The following MIDEAS variants were observed in gnomAD, a reference collection of about 807,000 sequenced individuals.
MIDEAS encodes the protein mitotic deacetylase-associated SANT domain protein.
Under a neutral mutation model 102.7 loss-of-function variants are expected in MIDEAS, and 26 were observed. The observed-to-expected ratio is 0.25, with a 90% confidence interval of 0.19 to 0.35. The LOEUF (loss-of-function observed/expected upper bound fraction) is 0.35. Among genes scored for constraint, MIDEAS ranks in the 10% least tolerant of loss-of-function variants. The pLI is 1.00. For synonymous variants in MIDEAS, 585 were observed against 591.0 expected (o/e 0.99, Z 0.15); for missense variants, 1,231 against 1,435.6 (o/e 0.86, Z 2.30).
intron 1 of MIDEAS, among the ~76,000 whole-genome samples, chr14:73,765,837 C>G (rs2053588158): frequency 6.6e-6 from 1 of 152,180 alleles, no homozygotes; most frequent in Non-Finnish European, 1.5e-5. Context: ...AGGAAGGACA[C>G]TGGAGTGTAT....
At chr14:73,782,300 T>C (rs1040059415) in intron 1 of MIDEAS, among the ~76,000 whole-genome samples, 6 of 152,158 alleles carry the variant, frequency 3.9e-5, no homozygotes. Context: ...GTTCAACACC[T>C]ATTTGGGCAA....
intron 1 of MIDEAS, among the ~76,000 whole-genome samples, chr14:73,786,129 G>A (rs143431937): frequency 3.3e-4 from 50 of 152,310 alleles, no homozygotes; most frequent in South Asian, 2.9e-3. Flanking sequence ...TCCACGGCTC[G>A]GACGCACTTT....
upstream of MIDEAS, among the ~76,000 whole-genome samples, chr14:73,788,316 T>G (rs1167392854): frequency 6.6e-6 from 1 of 152,176 alleles, no homozygotes; most frequent in Non-Finnish European, 1.5e-5. Flanking sequence ...AAATACTGCT[T>G]CTCCTAGCAC....
rs1397116717 is a variant in MIDEAS at position 73,736,878 on chromosome 14, T to C, written c.1749+120A>G. On this transcript the variant is annotated intron_variant, in intron 3 of 12. Transcript: ENST00000423556. The stretch of plus-strand genomic sequence containing the variant: ...AGAAGTTTGGTTTGGAAAATAAAAA[T>C]AGTATCTCCACAGGTTCCCTGATAC... The C allele has an allele frequency of 4.8e-6, 5 of 1,040,688 alleles. No homozygotes were observed. The South Asian group carries it at 5.1e-5, about 11-fold the overall frequency. 64.5% of individuals were successfully genotyped at this position (1,040,688 alleles called of 1,614,324 possible).
intron 1 of MIDEAS, among the ~76,000 whole-genome samples, chr14:73,743,527 T>C (rs565677683): frequency 1.3e-4 from 20 of 152,202 alleles, no homozygotes; most frequent in Admixed American, 3.9e-4. Context: ...TCAGACCCCA[T>C]GGGCTTCTCC....
At chr14:73,734,574 A>G (rs931402446) in intron 3 of MIDEAS, among the ~76,000 whole-genome samples, 6 of 151,754 alleles carry the variant, frequency 4.0e-5, no homozygotes, top group Admixed American at 6.6e-5. Context: ...CACCCAGCTA[A>G]TCTTTTGTTG....
At chr14:73,726,291 A>G (rs2336074) in intron 7 of MIDEAS, among the ~76,000 whole-genome samples, 183 bp from the exon 8 acceptor site, 123,269 of 152,038 alleles carry the variant, frequency 0.81, 50,639 homozygotes, top group African/African-American at 0.93. Context: ...CAGAAAACAG[A>G]CCTCAGGTCC....
intron 1 of MIDEAS, chr14:73,787,078 G>C (rs920786858): frequency 1.2e-4 from 18 of 150,176 alleles, no homozygotes; most frequent in African/African-American, 4.1e-4. Flanking sequence ...GGTGGCGGGA[G>C]GGGGCGCCGA....
At chr14:73,744,975 G>A (rs1231841857) in intron 1 of MIDEAS, among the ~76,000 whole-genome samples, 1 of 152,114 alleles carries the variant, frequency 6.6e-6, no homozygotes, top group Non-Finnish European at 1.5e-5. Flanking sequence ...CAGGCTCCAC[G>A]GGGCAGGGTT....
chr14:73,784,389 G>A (rs1330339818), intron 1 of MIDEAS, among the ~76,000 whole-genome samples: 1 of 152,236 alleles, frequency 6.6e-6, no homozygotes, highest in African/African-American at 2.4e-5. Context: ...ACAAAAATCT[G>A]CCATTGGGAA....
intron 1 of MIDEAS, among the ~76,000 whole-genome samples, chr14:73,753,081 A>G (rs2053440123): frequency 6.6e-6 from 1 of 152,218 alleles, no homozygotes; most frequent in East Asian, 1.9e-4. Flanking sequence ...GGAGGTCCCC[A>G]GGAAGCCCAC....
intron 1 of MIDEAS, among the ~76,000 whole-genome samples, chr14:73,777,724 G>A (rs868252263): frequency 6.6e-6 from 1 of 151,936 alleles, no homozygotes. Context: ...TAATTCCACA[G>A]CACTCACCAG....
chr14:73,777,840 G>T (rs2053705440), intron 1 of MIDEAS, among the ~76,000 whole-genome samples: 2 of 151,948 alleles, frequency 1.3e-5, no homozygotes. Flanking sequence ...GAGCGCAGGA[G>T]CCCCCTGAAC....
At chr14:73,788,438 G>GA (rs1300633914), upstream of MIDEAS, among the ~76,000 whole-genome samples, 1 of 152,140 alleles carries the variant, frequency 6.6e-6, no homozygotes, top group African/African-American at 2.4e-5. Flanking sequence ...AAGACTGATG[G>GA]AAAATGACAT....
chr14:73,730,439 CT>C (rs1393703904), intron 3 of MIDEAS, among the ~76,000 whole-genome samples: 1 of 152,190 alleles, frequency 6.6e-6, no homozygotes, highest in Non-Finnish European at 1.5e-5. Flanking sequence ...TTTATTGCCA[CT>C]GAAAATTACT....
At chr14:73,730,195 G>A (rs1222599361) in intron 3 of MIDEAS, 1 of 713,256 alleles carries the variant, frequency 1.4e-6, no homozygotes, top group East Asian at 2.7e-5. Context: ...AGGGGCCAGA[G>A]AGTAAATATT....
At chr14:73,766,942 G>A (rs571395456) in intron 1 of MIDEAS, among the ~76,000 whole-genome samples, 7 of 140,610 alleles carry the variant, frequency 5.0e-5, no homozygotes, top group Admixed American at 3.2e-4. Flanking sequence ...TGCAACCTCC[G>A]ACTTCTGGGT....
intron 1 of MIDEAS, among the ~76,000 whole-genome samples, chr14:73,780,041 T>A (rs1252692558): frequency 6.8e-6 from 1 of 147,622 alleles, no homozygotes; most frequent in South Asian, 2.2e-4. Flanking sequence ...CCCAGCTAAT[T>A]TTTTTGTATT....
Position 73,742,724 on chromosome 14 carries a change from A to G in MIDEAS, c.-247-2469T>C, listed in dbSNP as rs1165519299. On this transcript the variant is annotated intron_variant, in intron 1 of 12. Transcript: ENST00000423556. This position sits in a 1 kb window ranked among gnomAD's most constrained non-coding sequence, Gnocchi z 4.4. ...CTGCAGAGGCCTCCCTGTCACCCTCACCGAAGAGCTAAGGGTGCCAGGGGC... is the reference window on the plus strand; with the variant it reads ...CTGCAGAGGCCTCCCTGTCACCCTCGCCGAAGAGCTAAGGGTGCCAGGGGC... Among the ~76,000 whole-genome samples the G allele has an allele frequency of 6.6e-6, 1 of 152,150 alleles. No individual in the cohort carries two copies.
Sources: allele counts gnomAD v4.1 joint callset (sites outside exome capture counted in the v4.1 genomes callset), GRCh38; gene constraint gnomAD v4.1.1; non-coding constraint Gnocchi (gnomAD v3.1); transcripts MANE v1.5; gene names NCBI Gene and HGNC (gene_info 2026-07-23, HGNC 2026-07-21).